Variants in SLC35F4 observed in about 807,000 individuals in gnomAD.
The protein encoded by SLC35F4 is chromosome 14 open reading frame 36.
SLC35F4 carries 24 observed loss-of-function variants against 44.2 expected under a neutral mutation model. The ratio of observed to expected loss-of-function variants is 0.54; its 90% CI spans 0.39 to 0.76. The LOEUF is 0.76. SLC35F4 is among the 30% of genes least tolerant of loss of function. The pLI is 0.00. For synonymous variants in SLC35F4, 238 were observed against 223.6 expected (o/e 1.06, Z -0.57); for missense variants, 562 against 586.1 (o/e 0.96, Z 0.42).
At chr14:57,907,923 T>A (rs972903720) in intron 1 of SLC35F4, among the ~76,000 whole-genome samples, 4 of 151,790 alleles carry the variant, frequency 2.6e-5, no homozygotes, top group African/African-American at 9.7e-5. Context: ...TATTGACCCG[T>A]CCTCTAAGTT....
chr14:57,719,189 G>A (rs2076018355), intron 1 of SLC35F4, among the ~76,000 whole-genome samples: 5 of 152,060 alleles, frequency 3.3e-5, no homozygotes, highest in Admixed American at 2.6e-4. Context: ...TGCTTCATTG[G>A]TTTGTGTGTC....
intron 1 of SLC35F4, among the ~76,000 whole-genome samples, chr14:57,635,985 G>A (rs886600362): frequency 1.3e-5 from 2 of 152,122 alleles, no homozygotes; most frequent in African/African-American, 4.8e-5. Context: ...AGTTAAAACA[G>A]CTTTTACTTC....
intron 1 of SLC35F4, among the ~76,000 whole-genome samples, chr14:57,946,432 TGTAA>T (rs1418693867): frequency 1.3e-5 from 2 of 151,734 alleles, no homozygotes; most frequent in African/African-American, 2.4e-5. Flanking sequence ...ATCAGTTGGC[TGTAA>T]GTATTTGTCT....
chr14:57,636,092 T>C (rs2073005245), intron 1 of SLC35F4, among the ~76,000 whole-genome samples: 1 of 152,118 alleles, frequency 6.6e-6, no homozygotes, highest in Admixed American at 6.6e-5. Context: ...AGCAAACCAA[T>C]GTTTGCTTCA....
At chr14:57,802,985 C>CAAAAAAAAAAAAAAAAAAAAAAAAAA (rs59647111) in intron 1 of SLC35F4, among the ~76,000 whole-genome samples, 1 of 71,320 alleles carries the variant, frequency 1.4e-5, no homozygotes. Flanking sequence ...GCAGAGATAC[C>CAAAAAAAAAAAAAAAAAAAAAAAAAA]AAAAAAAAAA....
intron 1 of SLC35F4, among the ~76,000 whole-genome samples, chr14:57,783,195 A>G (rs577332479): frequency 6.6e-6 from 1 of 152,354 alleles, no homozygotes; most frequent in South Asian, 2.1e-4. Flanking sequence ...TTATATGACA[A>G]CTTAAAGCAA....
chr14:57,864,248 C>T (rs1372097870), intron 1 of SLC35F4, among the ~76,000 whole-genome samples: 1 of 152,116 alleles, frequency 6.6e-6, no homozygotes, highest in Non-Finnish European at 1.5e-5. Context: ...ACTTATGTTT[C>T]CAGGGTTAAA....
chr14:57,858,301 C>T (rs1185852765), intron 1 of SLC35F4, among the ~76,000 whole-genome samples: 1 of 151,962 alleles, frequency 6.6e-6, no homozygotes, highest in Admixed American at 6.6e-5. Context: ...AAATGATAGA[C>T]TGGATTAAGA....
chr14:57,778,551 G>C (rs1400853062), intron 1 of SLC35F4, among the ~76,000 whole-genome samples: 2 of 151,756 alleles, frequency 1.3e-5, no homozygotes, highest in East Asian at 3.9e-4. Context: ...AATACCCACT[G>C]ACAATATTAG....
rs962930034 is a variant in SLC35F4 at position 57,563,952 on chromosome 14, A to G, written c.*183T>C. On this transcript the variant is annotated 3_prime_UTR_variant, in exon 8 of 8. Transcript: ENST00000556826. Reference sequence around the variant, plus strand: ...CAAATGTGTTTTAATAAAAAAATCCATTATGATTATTTACACCAATTCCTT... The same window carrying G: ...CAAATGTGTTTTAATAAAAAAATCCGTTATGATTATTTACACCAATTCCTT... 3.1e-5 allele frequency: 20 copies of G among 648,336 alleles called. No homozygotes were observed. In the Middle Eastern group the frequency reaches 1.8e-3, roughly 57 times the overall value. The allele number at this position is 648,336 out of a possible 1,614,324, so 40.2% of individuals were successfully genotyped here.
At chr14:57,690,447 T>C (rs2075198138) in intron 1 of SLC35F4, among the ~76,000 whole-genome samples, 1 of 152,072 alleles carries the variant, frequency 6.6e-6, no homozygotes, top group Non-Finnish European at 1.5e-5. Context: ...GAGATTTTCA[T>C]GTTTTTCTTG....
chr14:57,972,115 T>C (rs1306573228), downstream of SLC35F4, among the ~76,000 whole-genome samples: 1 of 152,042 alleles, frequency 6.6e-6, no homozygotes, highest in African/African-American at 2.4e-5. Context: ...TTCCAGAAAC[T>C]AGTGGAAGGC....
chr14:57,663,836 G>A (rs1289817045), intron 1 of SLC35F4, among the ~76,000 whole-genome samples: 1 of 152,120 alleles, frequency 6.6e-6, no homozygotes, highest in Non-Finnish European at 1.5e-5. Flanking sequence ...TGGGCCACCA[G>A]GCAAAGCCAT....
At chr14:57,826,095 G>A (rs778776472) in intron 1 of SLC35F4, among the ~76,000 whole-genome samples, 16 of 152,112 alleles carry the variant, frequency 1.1e-4, no homozygotes, top group Non-Finnish European at 1.5e-4. Flanking sequence ...GAGGCATCAT[G>A]CTACCTGACT....
intron 1 of SLC35F4, among the ~76,000 whole-genome samples, chr14:57,873,492 T>C (rs1888336040): frequency 6.6e-6 from 1 of 152,342 alleles, no homozygotes; most frequent in Admixed American, 6.5e-5. Flanking sequence ...ATTAAAATTA[T>C]GGCTATTGCT....
At chr14:57,943,309 T>C (rs1208055170) in intron 1 of SLC35F4, among the ~76,000 whole-genome samples, 1 of 152,258 alleles carries the variant, frequency 6.6e-6, no homozygotes, top group African/African-American at 2.4e-5. Context: ...TGCTGTTTAC[T>C]GACGGCTCAG....
chr14:57,810,076 GT>G (rs1169965714), intron 1 of SLC35F4, among the ~76,000 whole-genome samples: 1 of 152,166 alleles, frequency 6.6e-6, no homozygotes, highest in Non-Finnish European at 1.5e-5. Context: ...ATTGAAATAT[GT>G]TTAGTTGGAT....
At chr14:57,727,379 G>A (rs2076231370) in intron 1 of SLC35F4, among the ~76,000 whole-genome samples, 1 of 151,046 alleles carries the variant, frequency 6.6e-6, no homozygotes, top group African/African-American at 2.4e-5. Flanking sequence ...GATCTTTTAT[G>A]TTTTCTTCAT....
chr14:57,957,723 G>A (rs771119147), intron 1 of SLC35F4, among the ~76,000 whole-genome samples: 1 of 152,166 alleles, frequency 6.6e-6, no homozygotes. Flanking sequence ...TCCGGCTCTA[G>A]GGTCAGTTAG....
Sources: allele counts gnomAD v4.1 joint callset (sites outside exome capture counted in the v4.1 genomes callset), GRCh38; gene constraint gnomAD v4.1.1; transcripts MANE v1.5; gene names NCBI Gene and HGNC (gene_info 2026-07-23, HGNC 2026-07-21).